The following TRAPPC9 variants were observed in gnomAD, a reference collection of about 807,000 sequenced individuals.
TRAPPC9 encodes IKK2 binding protein.
A neutral mutation model predicts 124.0 loss-of-function variants in TRAPPC9; 83 were observed. The ratio of observed to expected loss-of-function variants is 0.67; its 90% CI spans 0.56 to 0.80. The LOEUF (loss-of-function observed/expected upper bound fraction) is 0.80, where lower values mean the gene tolerates loss of function less well. TRAPPC9 is among the 30% of genes least tolerant of loss of function. The probability of loss-of-function intolerance (pLI) is 0.00; values close to 1 mark genes in which losing one functional copy is unlikely to be tolerated. For synonymous variants in TRAPPC9, 638 were observed against 617.5 expected (o/e 1.03, Z -0.49); for missense variants, 1,302 against 1,508.3 (o/e 0.86, Z 2.27).
chr8:140,077,176 A>G (rs988625246), intron 17 of TRAPPC9, among the ~76,000 whole-genome samples: 18 of 152,216 alleles, frequency 1.2e-4, no homozygotes, highest in Non-Finnish European at 2.2e-4. Flanking sequence ...AAAAGAAAAA[A>G]AAAGGAAGAA....
chr8:140,435,015 T>A, intron 4 of TRAPPC9, 97 bp downstream of exon 4: 1 of 1,563,078 alleles, frequency 6.4e-7, no homozygotes, highest in Non-Finnish European at 8.7e-7. Flanking sequence ...ACAGTTTATT[T>A]AAATATTAGT....
In TRAPPC9 at chr8:139,860,206, C is replaced by A. The variant is rs1375856892; in HGVS notation, c.3055+25673G>T. On this transcript the variant is annotated intron_variant, in intron 21 of 22. Transcript: ENST00000438773. ...GCTGTCAGTGAGCCTTAACCAAGCA[C>A]ATGCACTCTAGAAAAAAGCCCACAT... is the stretch of plus-strand genomic sequence containing the variant. 2.6e-5 allele frequency among the ~76,000 whole-genome samples: 4 copies of A among 152,334 alleles called. No homozygotes were observed. In the East Asian group the frequency reaches 7.7e-4, roughly 29 times the overall value.
intron 21 of TRAPPC9, among the ~76,000 whole-genome samples, chr8:139,883,762 G>A (rs886597803): frequency 6.6e-6 from 1 of 152,222 alleles, no homozygotes; most frequent in Admixed American, 6.5e-5. Flanking sequence ...AGGCAGGACC[G>A]GGCTGAGGTT....
At chr8:140,385,879 G>A (rs1243838950) in intron 7 of TRAPPC9, among the ~76,000 whole-genome samples, 1 of 152,132 alleles carries the variant, frequency 6.6e-6, no homozygotes, top group African/African-American at 2.4e-5. Context: ...GAGAATTTTA[G>A]ACCAATATCC....
intron 16 of TRAPPC9, 49 bp from the exon 17 acceptor site, chr8:140,221,632 G>C: frequency 1.3e-6 from 2 of 1,582,884 alleles, no homozygotes; most frequent in South Asian, 2.3e-5. Context: ...CTTGGTTTTG[G>C]GGTTTGTTGT....
intron 17 of TRAPPC9, among the ~76,000 whole-genome samples, chr8:140,055,499 C>G (rs1842244126): frequency 6.6e-6 from 1 of 152,184 alleles, no homozygotes; most frequent in African/African-American, 2.4e-5. Context: ...CTATTCAACA[C>G]AGTAGTGGAA....
At chr8:139,812,519 G>A (rs775728618) in intron 21 of TRAPPC9, among the ~76,000 whole-genome samples, 2 of 152,182 alleles carry the variant, frequency 1.3e-5, no homozygotes, top group Non-Finnish European at 2.9e-5. Context: ...GAGGACTGGC[G>A]CTGGGTGATG....
intron 9 of TRAPPC9, among the ~76,000 whole-genome samples, chr8:140,314,535 T>A (rs554039236): frequency 6.6e-6 from 1 of 152,332 alleles, no homozygotes; most frequent in African/African-American, 2.4e-5. Context: ...TGCATTAGAA[T>A]ACCAGAACTT....
At chr8:140,431,461 A>T (rs2070644613) in intron 4 of TRAPPC9, among the ~76,000 whole-genome samples, 1 of 151,844 alleles carries the variant, frequency 6.6e-6, no homozygotes, top group African/African-American at 2.4e-5. Context: ...AAAAAATAAA[A>T]ATAAAAACTA....
chr8:140,404,572 C>T (rs925055174), intron 6 of TRAPPC9, among the ~76,000 whole-genome samples: 4 of 152,018 alleles, frequency 2.6e-5, no homozygotes, highest in Admixed American at 1.3e-4. Context: ...GGTCCGGAGG[C>T]GAGAGTACAC....
At chr8:140,328,312 CACTT>C (rs1006762518) in intron 9 of TRAPPC9, among the ~76,000 whole-genome samples, 10 of 151,974 alleles carry the variant, frequency 6.6e-5, no homozygotes, top group East Asian at 3.8e-4. Context: ...AAAACAGTAT[CACTT>C]ACAAGCTCAA....
chr8:140,428,220 C>T (rs1381647017), intron 4 of TRAPPC9, among the ~76,000 whole-genome samples: 1 of 152,200 alleles, frequency 6.6e-6, no homozygotes, highest in African/African-American at 2.4e-5. Context: ...TTATCACAAT[C>T]ATCAATCATT....
intron 15 of TRAPPC9, among the ~76,000 whole-genome samples, chr8:140,261,228 T>C (rs1419312006): frequency 6.6e-6 from 1 of 152,218 alleles, no homozygotes; most frequent in Non-Finnish European, 1.5e-5. Context: ...GGTTTTTACA[T>C]TCTATTGCTG....
intron 17 of TRAPPC9, among the ~76,000 whole-genome samples, chr8:140,153,838 G>A (rs1295951321): frequency 6.6e-6 from 1 of 152,136 alleles, no homozygotes; most frequent in African/African-American, 2.4e-5. Flanking sequence ...GATCTGCCCT[G>A]AGCCCACCTC....
chr8:139,921,815 C>T (rs1832519538), intron 19 of TRAPPC9, among the ~76,000 whole-genome samples: 1 of 151,968 alleles, frequency 6.6e-6, no homozygotes, highest in Non-Finnish European at 1.5e-5. Context: ...ACACCTGCCC[C>T]CCTGCTGCCG....
At chr8:140,446,761 A>C (rs2071275399) in intron 2 of TRAPPC9, among the ~76,000 whole-genome samples, 1 of 151,766 alleles carries the variant, frequency 6.6e-6, no homozygotes, top group Non-Finnish European at 1.5e-5. Flanking sequence ...CACCATGTTG[A>C]CCTCAGGTGA....
intron 17 of TRAPPC9, among the ~76,000 whole-genome samples, chr8:140,164,297 T>C (rs555730176): frequency 6.6e-5 from 10 of 152,338 alleles, no homozygotes; most frequent in South Asian, 4.1e-4. Context: ...ATAAACTCTA[T>C]AGAAACTTCC....
At chr8:139,834,146 G>A (rs866434487) in intron 21 of TRAPPC9, among the ~76,000 whole-genome samples, 1 of 152,140 alleles carries the variant, frequency 6.6e-6, no homozygotes, top group Non-Finnish European at 1.5e-5. Context: ...TGTACCCAGC[G>A]CCCACCAGAG....
intron 17 of TRAPPC9, among the ~76,000 whole-genome samples, chr8:140,174,571 C>T (rs1024979468): frequency 6.6e-6 from 1 of 152,116 alleles, no homozygotes; most frequent in Non-Finnish European, 1.5e-5. Flanking sequence ...CCCGATTCCC[C>T]CTCCTGCTTT....
Sources: allele counts gnomAD v4.1 joint callset (sites outside exome capture counted in the v4.1 genomes callset), GRCh38; gene constraint gnomAD v4.1.1; transcripts MANE v1.5; gene names NCBI Gene and HGNC (gene_info 2026-07-23, HGNC 2026-07-21).